The following RAB33A variants were observed in gnomAD, a reference collection of about 807,000 sequenced individuals.
RAB33A encodes ras-related protein Rab-33A.
RAB33A carries 6 observed loss-of-function variants against 12.0 expected under a neutral mutation model. The ratio of observed to expected loss-of-function variants is 0.50; its 90% confidence interval spans 0.27 to 0.99. RAB33A has a LOEUF of 0.99. Ranked by LOEUF, RAB33A falls within the 50% of genes least tolerant of loss-of-function variation. The probability of loss-of-function intolerance (pLI) is 0.11; values close to 1 mark genes in which losing one functional copy is unlikely to be tolerated. For missense variants in RAB33A, 109 were observed against 192.0 expected (o/e 0.57, Z 2.55); for synonymous variants, 70 against 82.4 (o/e 0.85, Z 0.81).
At chrX:130,181,483 G>A (rs1472864247) in intron 1 of RAB33A, among the ~76,000 whole-genome samples, 1 of 112,071 alleles carries the variant, frequency 8.9e-6, no homozygotes, top group Non-Finnish European at 1.9e-5. Context: ...TGTCCAAGAC[G>A]TTGGATATAT....
the RAB33A span, among the ~76,000 whole-genome samples, chrX:130,127,690 C>CTTTTTT: frequency 3.8e-5 from 2 of 52,954 alleles, no homozygotes; most frequent in Non-Finnish European, 6.1e-5. Context: ...GATGAGTTTT[C>CTTTTTT]CTTTTTTTTT....
At chrX:130,146,157 G>A in the RAB33A span, among the ~76,000 whole-genome samples, 1 of 111,719 alleles carries the variant, frequency 9.0e-6, no homozygotes, top group African/African-American at 3.3e-5. Flanking sequence ...ATTAATATTG[G>A]CTGAGTGCAG....
At chrX:130,137,441 A>G in the RAB33A span, 3 of 1,164,386 alleles carry the variant, frequency 2.6e-6, no homozygotes, top group Admixed American at 7.9e-5. Flanking sequence ...ACTTCCACCC[A>G]TGCAGTCACC....
At chrX:130,147,742 T>A in the RAB33A span, 1 of 1,211,904 alleles carries the variant, frequency 8.3e-7, no homozygotes. Flanking sequence ...CAAAAAAACA[T>A]GCACCTTACC....
At chrX:130,152,881 G>A in the RAB33A span, among the ~76,000 whole-genome samples, 3 of 112,006 alleles carry the variant, frequency 2.7e-5, no homozygotes, top group African/African-American at 9.7e-5. Flanking sequence ...AGCATTAGAC[G>A]CAAACACAAA....
intron 1 of RAB33A, among the ~76,000 whole-genome samples, chrX:130,174,481 G>T (rs187490260): frequency 2.7e-5 from 3 of 112,171 alleles, no homozygotes; most frequent in Non-Finnish European, 5.6e-5. Flanking sequence ...AGAGCCTGGC[G>T]GCTAGCACGT....
chrX:130,168,945 T>C (rs1297786874), upstream of RAB33A, among the ~76,000 whole-genome samples: 5 of 110,706 alleles, frequency 4.5e-5, no homozygotes, highest in Non-Finnish European at 9.5e-5. Context: ...CGGTGGCTCA[T>C]GCCTGTAATC....
At chrX:130,165,339 C>T in the RAB33A span, among the ~76,000 whole-genome samples, 1 of 112,201 alleles carries the variant, frequency 8.9e-6, no homozygotes, top group Non-Finnish European at 1.9e-5. Flanking sequence ...CTCAAGCCGA[C>T]TACTGGGTTC....
At chrX:130,140,421 G>A in the RAB33A span, 7 of 646,251 alleles carry the variant, frequency 1.1e-5, no homozygotes, top group Admixed American at 2.3e-5. Flanking sequence ...ACTCACTTCA[G>A]AGAGTCTGGG....
chrX:130,178,952 A>ATT (rs55677728), intron 1 of RAB33A, among the ~76,000 whole-genome samples: 5 of 91,612 alleles, frequency 5.5e-5, no homozygotes, highest in Admixed American at 1.2e-4. Flanking sequence ...GCGCCCGGCG[A>ATT]TTTTTTTTTT....
At chrX:130,122,864 G>A in the RAB33A span, among the ~76,000 whole-genome samples, 1 of 111,904 alleles carries the variant, frequency 8.9e-6, no homozygotes. Context: ...CCAGTTTCGA[G>A]GCTGTGAAAC....
At chrX:130,152,301 A>C in the RAB33A span, among the ~76,000 whole-genome samples, 22 of 111,041 alleles carry the variant, frequency 2.0e-4, no homozygotes, top group Admixed American at 1.9e-4. Context: ...AGACCAAGAA[A>C]TATCTAGAGG....
the RAB33A span, chrX:130,165,883 G>T: frequency 9.0e-6 from 4 of 446,513 alleles, no homozygotes; most frequent in Admixed American, 6.6e-5. Flanking sequence ...ACTCGCTGCC[G>T]CATTGCGATT....
At chrX:130,127,442 A>G in the RAB33A span, among the ~76,000 whole-genome samples, 1 of 111,203 alleles carries the variant, frequency 9.0e-6, no homozygotes, top group Admixed American at 9.7e-5. Flanking sequence ...GAGGCACCCA[A>G]TGAACACTGA....
intron 1 of RAB33A, among the ~76,000 whole-genome samples, chrX:130,180,347 C>T (rs1423821147): frequency 1.8e-5 from 2 of 112,608 alleles, no homozygotes; most frequent in African/African-American, 6.4e-5. Flanking sequence ...CGCCTGTAAT[C>T]CCAGCACTTT....
At chrX:130,169,259 ATTTAC>A (rs1197238968), upstream of RAB33A, among the ~76,000 whole-genome samples, 1 of 110,370 alleles carries the variant, frequency 9.1e-6, no homozygotes, top group Non-Finnish European at 1.9e-5. Context: ...AATTATTTAT[ATTTAC>A]TTAACATTTT....
chrX:130,166,166 T>C, the RAB33A span, among the ~76,000 whole-genome samples: 8 of 111,822 alleles, frequency 7.2e-5, no homozygotes, highest in Admixed American at 5.7e-4. Flanking sequence ...ACCAGTTACT[T>C]GATACCGAAG....
chrX:130,121,612 G>A, the RAB33A span, among the ~76,000 whole-genome samples: 517 of 112,705 alleles, frequency 4.6e-3, 3 homozygotes, highest in African/African-American at 0.016. Flanking sequence ...GATTCGGTGG[G>A]GCAGCTGGGA....
At chrX:130,144,413 C>T in the RAB33A span, among the ~76,000 whole-genome samples, 1 of 112,232 alleles carries the variant, frequency 8.9e-6, no homozygotes, top group African/African-American at 3.2e-5. Context: ...CATAACTTCT[C>T]AGGTTCATCT....
Sources: allele counts gnomAD v4.1 joint callset (sites outside exome capture counted in the v4.1 genomes callset), GRCh38; gene constraint gnomAD v4.1.1; transcripts MANE v1.5; gene names NCBI Gene and HGNC (gene_info 2026-07-23, HGNC 2026-07-21).